SLC2A13: variants seen among roughly 807,000 people sequenced by gnomAD.
SLC2A13 encodes the protein proton myo-inositol cotransporter.
SLC2A13 carries 32 observed loss-of-function variants against 64.4 expected under a neutral mutation model. The observed-to-expected ratio is 0.50, with a 90% CI of 0.37 to 0.67. The LOEUF (loss-of-function observed/expected upper bound fraction) is 0.67. SLC2A13 is among the 30% of genes least tolerant of loss of function. SLC2A13 has a pLI of 0.00. For synonymous variants in SLC2A13, 338 were observed against 327.1 expected, an observed-to-expected ratio of 1.03 and a Z score of -0.36; for missense variants, 743 against 829.2, an observed-to-expected ratio of 0.90 and a Z score of 1.28.
intron 3 of SLC2A13, among the ~76,000 whole-genome samples, chr12:39,988,676 AAGAAG>A (rs1947074916): frequency 4.2e-5 from 4 of 95,842 alleles, no homozygotes; most frequent in Admixed American, 2.7e-4. Context: ...GGAGGGAGGG[AAGAAG>A]GGAGGGAGGG....
At chr12:39,844,803 G>C (rs1229057927) in intron 6 of SLC2A13, among the ~76,000 whole-genome samples, 1 of 151,898 alleles carries the variant, frequency 6.6e-6, no homozygotes, top group East Asian at 1.9e-4. Context: ...TAAAGATAAA[G>C]AAATACCTAA....
intron 5 of SLC2A13, among the ~76,000 whole-genome samples, chr12:39,868,897 A>G (rs548202695): frequency 3.3e-5 from 5 of 152,302 alleles, no homozygotes; most frequent in Admixed American, 1.3e-4. Context: ...CCAGGCTTAC[A>G]TATTTTTTAT....
At chr12:39,812,702 C>A (rs1205016866) in intron 7 of SLC2A13, among the ~76,000 whole-genome samples, 1 of 151,804 alleles carries the variant, frequency 6.6e-6, no homozygotes, top group African/African-American at 2.4e-5. Context: ...CGAATCCTGG[C>A]CTCAAGTGAT....
intron 4 of SLC2A13, among the ~76,000 whole-genome samples, chr12:39,888,992 G>A (rs1298597325): frequency 4.6e-5 from 7 of 151,664 alleles, no homozygotes; most frequent in Admixed American, 4.6e-4. Flanking sequence ...ATACAAGTCG[G>A]GATTCAATAA....
chr12:39,787,932 T>G (rs1186471092), intron 7 of SLC2A13, among the ~76,000 whole-genome samples: 2 of 152,196 alleles, frequency 1.3e-5, no homozygotes, highest in African/African-American at 4.8e-5. Context: ...ACCTACAAAA[T>G]GTACTTGGTA....
intron 2 of SLC2A13, among the ~76,000 whole-genome samples, chr12:40,028,985 A>C (rs1947865841): frequency 1.1e-4 from 16 of 152,140 alleles, no homozygotes; most frequent in Admixed American, 1.0e-3. Context: ...CATTAGTTAT[A>C]ATTTTGTTGT....
At chr12:39,777,829 A>G (rs1940830472) in intron 7 of SLC2A13, among the ~76,000 whole-genome samples, 1 of 152,184 alleles carries the variant, frequency 6.6e-6, no homozygotes. Flanking sequence ...CCTGCTCAAT[A>G]AAACCTTGCA....
intron 7 of SLC2A13, among the ~76,000 whole-genome samples, chr12:39,810,745 C>G (rs1002534751): frequency 3.9e-5 from 6 of 152,032 alleles, no homozygotes; most frequent in African/African-American, 1.4e-4. Flanking sequence ...TGATTTTTCT[C>G]TTTTCTTCTC....
At chr12:40,045,095 G>A (rs562674524) in intron 2 of SLC2A13, among the ~76,000 whole-genome samples, 43 of 152,072 alleles carry the variant, frequency 2.8e-4, no homozygotes, top group Non-Finnish European at 5.9e-4. Flanking sequence ...GCTACCAGAC[G>A]CTGAAACTGT....
At chr12:39,955,098 C>T (rs572962870) in intron 3 of SLC2A13, among the ~76,000 whole-genome samples, 7 of 152,114 alleles carry the variant, frequency 4.6e-5, no homozygotes, top group Non-Finnish European at 1.0e-4. Flanking sequence ...AGAATATTTA[C>T]CTGAGGTAGA....
At chr12:39,818,255 A>T (rs1299626586) in intron 7 of SLC2A13, among the ~76,000 whole-genome samples, 1 of 152,252 alleles carries the variant, frequency 6.6e-6, no homozygotes, top group Admixed American at 6.5e-5. Flanking sequence ...TGATTTTTGA[A>T]ACTTTTCTGT....
At chr12:40,050,867 C>T (rs1296938482) in intron 1 of SLC2A13, among the ~76,000 whole-genome samples, 1 of 152,140 alleles carries the variant, frequency 6.6e-6, no homozygotes, top group Non-Finnish European at 1.5e-5. Context: ...TAAAGTTCCT[C>T]ATCTATAAAA....
intron 4 of SLC2A13, among the ~76,000 whole-genome samples, chr12:39,916,814 T>A (rs1325525323): frequency 6.2e-5 from 1 of 16,054 alleles, no homozygotes; most frequent in Non-Finnish European, 1.6e-4. Context: ...TGTGGAAGGA[T>A]TATCATTTAA....
rs1055743557 is a variant in SLC2A13, at chr12:39,978,688, G to A, written c.926-27323C>T. On this transcript the variant is annotated intron_variant, in intron 3 of 9. Coordinates refer to ENST00000280871, the MANE Select transcript of SLC2A13 (RefSeq NM_052885.4). The stretch of plus-strand genomic sequence containing the variant: ...GAGGGTCCTACGCCCACGGAATCTC[G>A]CGGATTGCTAGCACAGCAGTCTGAG... Among the ~76,000 whole-genome samples, 8 of 152,190 alleles carry A rather than the reference G, an allele frequency of 5.3e-5. No individual in the cohort carries two copies. In the South Asian group the frequency reaches 1.7e-3, roughly 32 times the overall value.
rs530088802 is a variant in SLC2A13, at chr12:40,081,174, T to C, written c.556+24079A>G. Among the ~76,000 whole-genome samples, 3 of 152,348 alleles carry C rather than the reference T, an allele frequency of 2.0e-5. No homozygotes were observed. In the South Asian group the frequency reaches 6.2e-4, roughly 32 times the overall value. On this transcript the variant is annotated intron_variant, in intron 1 of 9. Transcript: ENST00000280871. ...TTGACTTTGGAGAATCTGATGACTATCTATCTTCAAGATGGACATCTTGTA... is the reference window on the plus strand; with the variant it reads ...TTGACTTTGGAGAATCTGATGACTACCTATCTTCAAGATGGACATCTTGTA...
At chr12:39,821,370 A>G (rs1942503783) in intron 7 of SLC2A13, among the ~76,000 whole-genome samples, 1 of 152,152 alleles carries the variant, frequency 6.6e-6, no homozygotes, top group African/African-American at 2.4e-5. Context: ...AGATTGTGCC[A>G]CTACACTCCA....
At chr12:39,863,327 A>G (rs1246927345) in intron 6 of SLC2A13, among the ~76,000 whole-genome samples, 1 of 152,130 alleles carries the variant, frequency 6.6e-6, no homozygotes, top group Non-Finnish European at 1.5e-5. Context: ...CAGGAAAACT[A>G]TTTCATTATG....
Position 40,019,477 on chromosome 12 carries a change from C to T in SLC2A13, c.925+8824G>A, listed in dbSNP as rs1034712681. ...GTGGTAGCAGCTGGGGCCCAGATCC[C>T]GCCTCCTTCACTTCCTAGCTGTTTG... On this transcript the variant is annotated intron_variant, in intron 3 of 9. Coordinates refer to ENST00000280871, the MANE Select transcript of SLC2A13 (RefSeq NM_052885.4). 1.2e-4 allele frequency among the ~76,000 whole-genome samples: 18 copies of T among 152,232 alleles called. No homozygotes were observed. The South Asian group carries it at 2.7e-3, about 23-fold the overall frequency.
chr12:39,958,899 T>TTATG (rs1463621949), intron 3 of SLC2A13, among the ~76,000 whole-genome samples: 1 of 152,108 alleles, frequency 6.6e-6, no homozygotes, highest in Non-Finnish European at 1.5e-5. Flanking sequence ...CCATAGTGAA[T>TTATG]TATGATCTCT....
Sources: gnomAD v4.1 joint callset for allele counts (sites outside exome capture counted in the v4.1 genomes callset) on GRCh38, gnomAD v4.1.1 for gene constraint, MANE v1.5 for transcripts, NCBI Gene and HGNC (gene_info 2026-07-23, HGNC 2026-07-21) for gene names.